The following RTN4 variants were observed in gnomAD, a reference collection of about 807,000 sequenced individuals.
The protein encoded by RTN4 is reticulon-4.
Under a neutral mutation model 90.4 loss-of-function variants are expected in RTN4, and 32 were observed. That is an observed-to-expected ratio of 0.35 (90% confidence interval 0.27 to 0.48). RTN4 has a LOEUF of 0.48. Among genes scored for constraint, RTN4 ranks in the 20% least tolerant of loss-of-function variants. The pLI is 0.99. For synonymous variants in RTN4, 629 were observed against 552.5 expected, an observed-to-expected ratio of 1.14 and a Z score of -1.94; for missense variants, 1,706 against 1,430.2, an observed-to-expected ratio of 1.19 and a Z score of -3.11.
intron 3 of RTN4, among the ~76,000 whole-genome samples, chr2:55,016,073 A>C (rs1681012962): frequency 6.6e-6 from 1 of 152,184 alleles, no homozygotes; most frequent in African/African-American, 2.4e-5. Flanking sequence ...ATTATTTATC[A>C]ATAACAAAGG....
intron 2 of RTN4, among the ~76,000 whole-genome samples, chr2:55,066,502 C>A (rs1668396459): frequency 6.6e-6 from 1 of 151,986 alleles, no homozygotes. Flanking sequence ...TGAGACCAGC[C>A]TGGCCAACAT....
chr2:55,082,625 A>G (rs1054973547), intron 1 of RTN4, among the ~76,000 whole-genome samples: 2 of 152,254 alleles, frequency 1.3e-5, no homozygotes, highest in African/African-American at 4.8e-5. Flanking sequence ...GCAAATATGT[A>G]TTATGCTAAG....
Position 55,026,664 on chromosome 2 carries a change from T to C in RTN4, c.1435A>G (p.Ile479Val), listed in dbSNP as rs1681903879. The change falls in exon 3 of 9, where the codon ATT becomes GTT. Residue 479 changes from isoleucine to valine, a missense_variant. Coordinates refer to ENST00000337526, the MANE Select transcript of RTN4 (RefSeq NM_020532.5). ...GTAGGATCTCCTAACAAAGGAAAAA[T>C]GTTTGTTGCAATGCTCTCAGTTGCT... is the stretch of plus-strand genomic sequence containing the variant. ...PAATESIATN[I>V]FPLLGDPTSE... 6 of 1,613,428 alleles carry C rather than the reference T, an allele frequency of 3.7e-6. No individual in the cohort carries two copies. Among genetic ancestry groups the C allele is most frequent in the South Asian group, 1.1e-5 (1 of 91,082 alleles).
At chr2:55,035,905 TA>T (rs1193834527) in intron 1 of RTN4, among the ~76,000 whole-genome samples, 1 of 152,068 alleles carries the variant, frequency 6.6e-6, no homozygotes, top group Non-Finnish European at 1.5e-5. Context: ...CAAAATGAAA[TA>T]GATGCATTCC....
intron 2 of RTN4, among the ~76,000 whole-genome samples, chr2:55,072,813 C>T (rs993602584): frequency 6.6e-6 from 1 of 152,166 alleles, no homozygotes; most frequent in African/African-American, 2.4e-5. Flanking sequence ...ACAACTATTA[C>T]TGTTTTCTGC....
rs765740657 is a variant in RTN4, at chr2:54,982,610, G to A, written c.3265C>T (p.Gln1089Ter). The A allele has an allele frequency of 6.2e-7, 1 of 1,613,178 alleles. No individual in the cohort carries two copies. The highest frequency in any genetic ancestry group is 8.5e-7 in the Non-Finnish European group (1 of 1,179,608). Residue 1089 changes from glutamine (Q) to a stop codon, truncating the protein, a stop_gained, in exon 5 of 9, where the codon CAG (glutamine) becomes TAG (stop). Transcript: ENST00000337526. LOFTEE classifies it high-confidence loss of function. ...CCAAGAGCAGAATTACTGTACTTCT[G>A]AACCAACTCCTCAGATATAGCAACT... Reference protein sequence around the residue: ...SEVAISEELVQKYSNSALGHV... With the variant: ...SEVAISEELV
At chr2:55,122,338 C>A in the RTN4 span, among the ~76,000 whole-genome samples, 1 of 152,116 alleles carries the variant, frequency 6.6e-6, no homozygotes, top group African/African-American at 2.4e-5. Flanking sequence ...ACTTAGAGTG[C>A]TTTCCGGCTT....
the RTN4 span, among the ~76,000 whole-genome samples, chr2:55,124,735 A>T: frequency 1.3e-5 from 2 of 152,364 alleles, no homozygotes; most frequent in South Asian, 4.1e-4. Flanking sequence ...TATGGAACAA[A>T]AAAAGAGCCT....
At chr2:55,095,686 T>G (rs1055087910) in intron 1 of RTN4, among the ~76,000 whole-genome samples, 1 of 152,130 alleles carries the variant, frequency 6.6e-6, no homozygotes, top group Admixed American at 6.6e-5. Context: ...CTATAGGCAC[T>G]CGCCACCACA....
At chr2:55,134,613 A>G in the RTN4 span, among the ~76,000 whole-genome samples, 3 of 152,190 alleles carry the variant, frequency 2.0e-5, no homozygotes, top group Non-Finnish European at 2.9e-5. Context: ...TGCAAAGAGA[A>G]TATTATTCTT....
chr2:55,013,637 G>T (rs1219123415), intron 3 of RTN4, among the ~76,000 whole-genome samples: 2 of 148,158 alleles, frequency 1.3e-5, no homozygotes, highest in Admixed American at 6.8e-5. Flanking sequence ...AGGGGGGGTG[G>T]TATCTAACTG....
intron 3 of RTN4, among the ~76,000 whole-genome samples, chr2:54,990,102 C>G (rs1246058851): frequency 6.6e-6 from 1 of 152,174 alleles, no homozygotes; most frequent in African/African-American, 2.4e-5. Flanking sequence ...TCAGGAAAGT[C>G]ACTAAAGTCC....
chr2:55,058,987 G>A (rs924498602), intron 2 of RTN4, among the ~76,000 whole-genome samples: 1 of 152,070 alleles, frequency 6.6e-6, no homozygotes, highest in Non-Finnish European at 1.5e-5. Flanking sequence ...GGGATTACAG[G>A]CATGAGCCAC....
intron 1 of RTN4, chr2:55,049,275 C>A: frequency 1.8e-6 from 1 of 562,320 alleles, no homozygotes; most frequent in East Asian, 1.4e-4. Context: ...TGCAGGCCAA[C>A]AGACCCGCAG....
chr2:55,136,896 G>C, the RTN4 span, among the ~76,000 whole-genome samples: 24 of 152,142 alleles, frequency 1.6e-4, no homozygotes, highest in Non-Finnish European at 2.6e-4. Context: ...GTACAGAGTG[G>C]GGAGCTGTTG....
chr2:55,113,584 T>C (rs1668075271), upstream of RTN4, among the ~76,000 whole-genome samples: 1 of 152,162 alleles, frequency 6.6e-6, no homozygotes, highest in South Asian at 2.1e-4. Flanking sequence ...ATATTATGGA[T>C]TTCCGTCCAG....
At chr2:54,988,581 T>C (rs1351234376) in intron 3 of RTN4, among the ~76,000 whole-genome samples, 3 of 152,102 alleles carry the variant, frequency 2.0e-5, no homozygotes, top group Non-Finnish European at 4.4e-5. Flanking sequence ...AGAAACAAAA[T>C]TGTAACTTAA....
chr2:55,107,062 C>T (rs1667956182), intron 1 of RTN4, among the ~76,000 whole-genome samples: 1 of 152,020 alleles, frequency 6.6e-6, no homozygotes. Flanking sequence ...TTAATAAAAA[C>T]AAAATTGGTG....
intron 4 of RTN4, among the ~76,000 whole-genome samples, chr2:54,984,476 A>T (rs1678390795): frequency 6.6e-6 from 1 of 152,248 alleles, no homozygotes; most frequent in Non-Finnish European, 1.5e-5. Flanking sequence ...GAAATATAGG[A>T]AAGTGGCTGA....
Sources: allele counts gnomAD v4.1 joint callset (sites outside exome capture counted in the v4.1 genomes callset), GRCh38; gene constraint gnomAD v4.1.1; transcripts MANE v1.5; gene names NCBI Gene and HGNC (gene_info 2026-07-23, HGNC 2026-07-21).